LSAMP: variants seen among roughly 807,000 people sequenced by gnomAD.
LSAMP encodes limbic system-associated membrane protein.
Under a neutral mutation model 38.6 loss-of-function variants are expected in LSAMP, and 7 were observed. The observed-to-expected ratio is 0.18, with a 90% CI of 0.10 to 0.34. The LOEUF (loss-of-function observed/expected upper bound fraction) is 0.34, where lower values mean the gene tolerates loss of function less well. LSAMP is among the 10% of genes least tolerant of loss of function. LSAMP has a pLI of 1.00. For synonymous variants in LSAMP, 154 were observed against 166.8 expected (o/e 0.92, Z 0.59); for missense variants, 313 against 420.0 (o/e 0.75, Z 2.23).
At chr3:116,273,171 A>T (rs2046996492) in intron 1 of LSAMP, among the ~76,000 whole-genome samples, 2 of 152,012 alleles carry the variant, frequency 1.3e-5, no homozygotes, top group African/African-American at 4.8e-5. Context: ...CACCAGCCAA[A>T]CTGCTGTCCC....
At position 116,342,067 on chromosome 3, in the gene LSAMP, G is replaced by A. The variant is rs137881980; in HGVS notation, c.155+102810C>T. Among the ~76,000 whole-genome samples the A allele has an allele frequency of 9.9e-5, 15 of 152,008 alleles. No individual in the cohort carries two copies. The East Asian group carries it at 2.5e-3, about 26-fold the overall frequency. ...TGGGAAAGCACCTAAGAGGGGATAG[G>A]GCAGACTTAGTGTGAGGTTAGTGAT... On this transcript the variant is annotated intron_variant, in intron 1 of 6. Transcript: ENST00000490035.
At chr3:116,418,568 A>G (rs747016944) in intron 1 of LSAMP, among the ~76,000 whole-genome samples, 14 of 152,064 alleles carry the variant, frequency 9.2e-5, no homozygotes, top group Non-Finnish European at 1.9e-4. Flanking sequence ...ATACTACTTC[A>G]GGAAGCTTCT....
chr3:116,100,158 T>A (rs939329445), intron 1 of LSAMP, among the ~76,000 whole-genome samples: 1 of 151,914 alleles, frequency 6.6e-6, no homozygotes, highest in Non-Finnish European at 1.5e-5. Context: ...CTTGGCTCAC[T>A]GTAACCTCTG....
At chr3:115,965,590 A>G (rs1181330915) in intron 3 of LSAMP, among the ~76,000 whole-genome samples, 1 of 148,592 alleles carries the variant, frequency 6.7e-6, no homozygotes, top group African/African-American at 2.5e-5. Context: ...ACCAACTAGA[A>G]GATTTTTGTA....
At chr3:115,928,973 G>GTTTTTTTTTTT (rs67711628) in intron 3 of LSAMP, among the ~76,000 whole-genome samples, 41 of 109,916 alleles carry the variant, frequency 3.7e-4, no homozygotes, top group African/African-American at 9.6e-4. Context: ...TTTTTTGTTT[G>GTTTTTTTTTTT]TTTTTTTTTT....
rs34346607 is a variant in LSAMP at position 116,078,277 on chromosome 3, CTTTA to C, written c.388+8043_388+8046del. ...ATAATACAAAAGGGCTTTATATCCT[CTTTA>C]TTTATTTATTTATTTATTTATTTTA... On this transcript the variant is annotated intron_variant, in intron 2 of 6. Coordinates refer to ENST00000490035, the MANE Select transcript of LSAMP (RefSeq NM_002338.5). Among the ~76,000 whole-genome samples, 656 of 150,170 alleles carry C rather than the reference CTTTA, an allele frequency of 4.4e-3. 5 individuals carry two copies. The highest frequency in any genetic ancestry group is 0.014 in the African/African-American group (568 of 41,118).
At chr3:116,418,124 C>G (rs1293577296) in intron 1 of LSAMP, among the ~76,000 whole-genome samples, 1 of 152,168 alleles carries the variant, frequency 6.6e-6, no homozygotes, top group African/African-American at 2.4e-5. Flanking sequence ...TAGTTGGTCA[C>G]TTTCCTGTAT....
chr3:116,090,076 C>T (rs28618266), intron 1 of LSAMP, among the ~76,000 whole-genome samples: 1,854 of 151,306 alleles, frequency 0.012, 36 homozygotes, highest in African/African-American at 0.041. Context: ...GGACCAGGCA[C>T]GGTGGCGCAT....
chr3:115,830,692 CT>C (rs1309710719), intron 6 of LSAMP, among the ~76,000 whole-genome samples: 1 of 152,112 alleles, frequency 6.6e-6, no homozygotes, highest in Non-Finnish European at 1.5e-5. Context: ...TAAGCTTTTT[CT>C]TTTTAATACT....
intron 1 of LSAMP, among the ~76,000 whole-genome samples, chr3:116,118,229 A>G (rs904378422): frequency 1.3e-5 from 2 of 152,180 alleles, no homozygotes; most frequent in South Asian, 2.1e-4. Flanking sequence ...GACAGTATCT[A>G]TGGATTTCTC....
chr3:116,185,026 C>CTTTTT (rs1164193506), intron 1 of LSAMP, among the ~76,000 whole-genome samples: 2 of 96,358 alleles, frequency 2.1e-5, no homozygotes, highest in African/African-American at 7.7e-5. Context: ...TTCTTTCTTT[C>CTTTTT]TTTCTTTTTT....
chr3:116,429,331 T>C (rs2049247088), intron 1 of LSAMP, among the ~76,000 whole-genome samples: 1 of 152,196 alleles, frequency 6.6e-6, no homozygotes, highest in African/African-American at 2.4e-5. Context: ...ATACTGGTGT[T>C]GGAGAAAGAA....
chr3:116,078,413 C>T (rs1707797333), intron 2 of LSAMP, among the ~76,000 whole-genome samples: 3 of 151,992 alleles, frequency 2.0e-5, no homozygotes, highest in Non-Finnish European at 2.9e-5. Context: ...CAAGCTCCGC[C>T]TCCCGGGTTC....
intron 1 of LSAMP, among the ~76,000 whole-genome samples, chr3:116,238,489 T>C (rs1334404575): frequency 6.6e-6 from 1 of 152,208 alleles, no homozygotes. Flanking sequence ...TATGGGACTA[T>C]GACTAGGCAG....
At chr3:116,305,296 C>A (rs1218349090) in intron 1 of LSAMP, among the ~76,000 whole-genome samples, 1 of 152,066 alleles carries the variant, frequency 6.6e-6, no homozygotes, top group Non-Finnish European at 1.5e-5. Flanking sequence ...TAGAAATGAG[C>A]AAGAGGACAG....
intron 1 of LSAMP, among the ~76,000 whole-genome samples, chr3:116,406,147 G>A (rs551021482): frequency 6.6e-6 from 1 of 151,864 alleles, no homozygotes; most frequent in Non-Finnish European, 1.5e-5. Context: ...AAACAACATG[G>A]TATCTGAAAT....
intron 1 of LSAMP, among the ~76,000 whole-genome samples, chr3:116,224,044 G>A (rs1370961168): frequency 1.3e-5 from 2 of 151,534 alleles, no homozygotes; most frequent in African/African-American, 4.9e-5. Context: ...ATTCCATGCT[G>A]TAGTACTACC....
intron 6 of LSAMP, among the ~76,000 whole-genome samples, chr3:115,840,793 TG>T (rs1934973082): frequency 6.6e-6 from 1 of 152,200 alleles, no homozygotes; most frequent in Non-Finnish European, 1.5e-5. Context: ...ACATTTCTTC[TG>T]GTCATAGTAT....
At chr3:116,429,160 A>G (rs1462250700) in intron 1 of LSAMP, among the ~76,000 whole-genome samples, 1 of 152,240 alleles carries the variant, frequency 6.6e-6, no homozygotes, top group Non-Finnish European at 1.5e-5. Flanking sequence ...ATGATGAGGT[A>G]ATTAGCTAAG....
Sources: gnomAD v4.1 joint callset for allele counts (sites outside exome capture counted in the v4.1 genomes callset) on GRCh38, gnomAD v4.1.1 for gene constraint, MANE v1.5 for transcripts, NCBI Gene and HGNC (gene_info 2026-07-23, HGNC 2026-07-21) for gene names.